Variants in BRD10 observed in about 807,000 individuals in gnomAD.
BRD10 encodes bromodomain containing 10, also known as uncharacterized bromodomain-containing protein 10.
At chr9:5,906,336 A>G in the BRD10 span, among the ~76,000 whole-genome samples, 1 of 150,162 alleles carries the variant, frequency 6.7e-6, no homozygotes, top group South Asian at 2.1e-4. Flanking sequence ...TCTCAAAAAA[A>G]AAAAAAGAAA....
the BRD10 span, among the ~76,000 whole-genome samples, chr9:5,946,281 T>G: frequency 6.6e-6 from 1 of 152,210 alleles, no homozygotes; most frequent in South Asian, 2.1e-4. Flanking sequence ...ATTCATAGAA[T>G]TGACCAAGTA....
At chr9:5,897,744 C>G in the BRD10 span, 4 of 1,119,840 alleles carry the variant, frequency 3.6e-6, no homozygotes, top group South Asian at 1.2e-5. Flanking sequence ...CAGATAATTG[C>G]CTCATTATAA....
the BRD10 span, among the ~76,000 whole-genome samples, chr9:5,938,735 G>A: frequency 6.6e-6 from 1 of 152,098 alleles, no homozygotes; most frequent in Non-Finnish European, 1.5e-5. Flanking sequence ...ACTATTTAAA[G>A]GTAGATTGAT....
chr9:6,002,780 G>C, the BRD10 span, among the ~76,000 whole-genome samples: 2 of 151,212 alleles, frequency 1.3e-5, no homozygotes, highest in African/African-American at 4.9e-5. Context: ...AGGTTTGAGT[G>C]ATTCTCATGC....
the BRD10 span, among the ~76,000 whole-genome samples, chr9:5,891,905 ATGT>A: frequency 1.1e-4 from 16 of 152,300 alleles, no homozygotes; most frequent in Non-Finnish European, 2.1e-4. Flanking sequence ...GGGCTGGAAG[ATGT>A]TGTGCTCAGT....
the BRD10 span, among the ~76,000 whole-genome samples, chr9:5,955,279 C>G: frequency 1.3e-5 from 2 of 151,492 alleles, no homozygotes; most frequent in Non-Finnish European, 2.9e-5. Flanking sequence ...ATCCTATCCT[C>G]TAGGAGCTTA....
the BRD10 span, among the ~76,000 whole-genome samples, chr9:5,946,199 G>C: frequency 4.6e-5 from 7 of 152,062 alleles, no homozygotes; most frequent in African/African-American, 1.7e-4. Flanking sequence ...TTCAACCTAA[G>C]AGATTAAGAA....
chr9:5,954,340 A>G, the BRD10 span, among the ~76,000 whole-genome samples: 1 of 152,226 alleles, frequency 6.6e-6, no homozygotes, highest in Non-Finnish European at 1.5e-5. Context: ...ACCATCTCCA[A>G]TGTGTTATAC....
chr9:5,996,756 C>G, the BRD10 span, among the ~76,000 whole-genome samples: 1 of 152,188 alleles, frequency 6.6e-6, no homozygotes, highest in Non-Finnish European at 1.5e-5. Flanking sequence ...TGAAAAGTGC[C>G]TTATCAACCT....
the BRD10 span, among the ~76,000 whole-genome samples, chr9:5,914,294 CCTTA>C: frequency 1.3e-5 from 2 of 151,496 alleles, no homozygotes; most frequent in Admixed American, 1.3e-4. Flanking sequence ...ACCGTGTTTT[CCTTA>C]CTTAATAATT....
At chr9:5,969,473 G>A in the BRD10 span, 4 of 1,300,406 alleles carry the variant, frequency 3.1e-6, no homozygotes, top group South Asian at 3.1e-5. Context: ...TTATTATTCA[G>A]AGGGTACCAT....
At chr9:5,921,043 A>G in the BRD10 span, 1 of 1,613,968 alleles carries the variant, frequency 6.2e-7, no homozygotes, top group Non-Finnish European at 8.5e-7. Flanking sequence ...CTGAAAGCAC[A>G]TTTACTGCTC....
chr9:5,921,539 T>C, the BRD10 span: 697 of 1,613,920 alleles, frequency 4.3e-4, 11 homozygotes, highest in East Asian at 0.015. Flanking sequence ...TGCAGTTCCA[T>C]TGCCAGAAGA....
chr9:5,916,916 T>C, the BRD10 span, among the ~76,000 whole-genome samples: 25 of 152,338 alleles, frequency 1.6e-4, no homozygotes, highest in Admixed American at 1.6e-3. Context: ...CTTTGTGCTC[T>C]AGCCACGATC....
the BRD10 span, among the ~76,000 whole-genome samples, chr9:5,893,797 A>T: frequency 1.3e-5 from 2 of 152,022 alleles, no homozygotes; most frequent in Non-Finnish European, 2.9e-5. Context: ...ATGGCTGAAG[A>T]TGTTGTGCCA....
the BRD10 span, chr9:6,007,182 C>T: frequency 3.1e-6 from 5 of 1,607,618 alleles, no homozygotes; most frequent in Non-Finnish European, 4.3e-6. Context: ...CACCGGGGAC[C>T]GGGCTCGCTT....
At chr9:5,903,427 T>C in the BRD10 span, among the ~76,000 whole-genome samples, 5 of 152,170 alleles carry the variant, frequency 3.3e-5, no homozygotes, top group Non-Finnish European at 5.9e-5. Flanking sequence ...TGTTGTTGAG[T>C]TTTTTTGCAT....
At chr9:5,952,800 C>T in the BRD10 span, among the ~76,000 whole-genome samples, 5 of 152,028 alleles carry the variant, frequency 3.3e-5, no homozygotes, top group Non-Finnish European at 2.9e-5. Context: ...GCAGTGGACG[C>T]GTGATGATGT....
chr9:5,962,150 T>C, the BRD10 span, among the ~76,000 whole-genome samples: 158 of 152,208 alleles, frequency 1.0e-3, 1 homozygote, highest in East Asian at 0.012. Context: ...ACTGCTTTGA[T>C]AGACCGCTAG....
Sources: gnomAD v4.1 joint callset for allele counts (sites outside exome capture counted in the v4.1 genomes callset) on GRCh38, gnomAD v4.1.1 for gene constraint, MANE v1.5 for transcripts, NCBI Gene and HGNC (gene_info 2026-07-23, HGNC 2026-07-21) for gene names.